The following NIM1K variants were observed in gnomAD, a reference collection of about 807,000 sequenced individuals.
The protein encoded by NIM1K is NIM1 serine/threonine protein kinase.
Under a neutral mutation model 37.1 loss-of-function variants are expected in NIM1K, and 35 were observed. The observed-to-expected ratio is 0.94, with a 90% CI of 0.72 to 1.25. The LOEUF is 1.25. Ranked by LOEUF, NIM1K falls within the 50% of genes most tolerant of loss-of-function variation. The pLI is 0.00. For synonymous variants in NIM1K, 234 were observed against 206.6 expected (o/e 1.13, Z -1.14); for missense variants, 564 against 548.0 (o/e 1.03, Z -0.29).
intron 2 of NIM1K, among the ~76,000 whole-genome samples, chr5:43,262,816 A>G (rs1181333410): frequency 6.6e-6 from 1 of 152,120 alleles, no homozygotes; most frequent in Non-Finnish European, 1.5e-5. Flanking sequence ...TTTTAGCATG[A>G]AGGGTTGTTG....
At chr5:43,231,266 A>T (rs982125477) in intron 1 of NIM1K, among the ~76,000 whole-genome samples, 4 of 152,228 alleles carry the variant, frequency 2.6e-5, no homozygotes, top group African/African-American at 9.6e-5. Context: ...GCAGTGAGCC[A>T]TCCTCTCATT....
chr5:43,228,230 T>C (rs541220582), intron 1 of NIM1K, among the ~76,000 whole-genome samples: 16 of 151,906 alleles, frequency 1.1e-4, no homozygotes, highest in African/African-American at 3.9e-4. Flanking sequence ...CACTGCAACC[T>C]CTGCCTCCTG....
intron 3 of NIM1K, among the ~76,000 whole-genome samples, chr5:43,277,628 T>C (rs1317878580): frequency 2.6e-5 from 4 of 152,232 alleles, no homozygotes; most frequent in Admixed American, 2.6e-4. Context: ...CATCTTCCAC[T>C]ATCTGGATAG....
chr5:43,277,445 G>T (rs1753362896), intron 3 of NIM1K, 120 bp downstream of exon 3: 1 of 1,062,324 alleles, frequency 9.4e-7, no homozygotes. Context: ...GCAGACAGTA[G>T]TCCCTTCTGA....
intron 1 of NIM1K, among the ~76,000 whole-genome samples, chr5:43,223,205 C>G (rs2112232930): frequency 6.6e-6 from 1 of 151,130 alleles, no homozygotes; most frequent in East Asian, 2.0e-4. Context: ...ATATAGCACA[C>G]AGTGGTGCTT....
intron 2 of NIM1K, among the ~76,000 whole-genome samples, chr5:43,267,229 T>A (rs1753178489): frequency 6.6e-6 from 1 of 152,200 alleles, no homozygotes; most frequent in Non-Finnish European, 1.5e-5. Context: ...TCTTCTATGT[T>A]TTTTAGTTTG....
At chr5:43,262,199 C>T (rs1753041901) in intron 2 of NIM1K, among the ~76,000 whole-genome samples, 1 of 152,154 alleles carries the variant, frequency 6.6e-6, no homozygotes, top group Non-Finnish European at 1.5e-5. Flanking sequence ...TTACCTTGGG[C>T]AGAATGACCA....
At chr5:43,266,115 C>G (rs1753152324) in intron 2 of NIM1K, among the ~76,000 whole-genome samples, 2 of 152,218 alleles carry the variant, frequency 1.3e-5, no homozygotes, top group African/African-American at 4.8e-5. Flanking sequence ...ATCTCACACT[C>G]TGTGCTGGGA....
intron 1 of NIM1K, among the ~76,000 whole-genome samples, chr5:43,235,874 T>C (rs2112249422): frequency 6.6e-6 from 1 of 151,750 alleles, no homozygotes; most frequent in East Asian, 1.9e-4. Flanking sequence ...GATTCTCCCA[T>C]GAAACCTAGA....
At chr5:43,268,967 T>G (rs1298994624) in intron 2 of NIM1K, among the ~76,000 whole-genome samples, 1 of 151,728 alleles carries the variant, frequency 6.6e-6, no homozygotes, top group Non-Finnish European at 1.5e-5. Flanking sequence ...GTCTTTTTCT[T>G]TTTTTTAACT....
chr5:43,264,729 A>G (rs1436390356), intron 2 of NIM1K, among the ~76,000 whole-genome samples: 1 of 152,114 alleles, frequency 6.6e-6, no homozygotes, highest in Non-Finnish European at 1.5e-5. Context: ...TGGTCTTTAC[A>G]ATTTGGCATG....
chr5:43,227,871 A>AG (rs1752482353), intron 1 of NIM1K, among the ~76,000 whole-genome samples: 1 of 152,176 alleles, frequency 6.6e-6, no homozygotes. Context: ...TCAGAAGGGC[A>AG]GGGCTGGAAT....
At chr5:43,230,608 C>A (rs986380363) in intron 1 of NIM1K, among the ~76,000 whole-genome samples, 1 of 152,202 alleles carries the variant, frequency 6.6e-6, no homozygotes, top group African/African-American at 2.4e-5. Flanking sequence ...AACAAATAGA[C>A]ACCTCCCACT....
In NIM1K at chr5:43,219,176, C is replaced by T. The variant is rs184179354; in HGVS notation, c.-694-25906C>T. On this transcript the variant is annotated intron_variant, in intron 1 of 3. Coordinates refer to ENST00000326035, the MANE Select transcript of NIM1K (RefSeq NM_153361.4). ...CCCTGTGGAACCATGAATTATTAAA[C>T]CTCTTTCCTTTATAAATTATTAAAC... Among the ~76,000 whole-genome samples, 30 of 152,266 alleles carry T rather than the reference C, an allele frequency of 2.0e-4. 1 individual carries two copies. The highest frequency in any genetic ancestry group is 8.3e-4 in the South Asian group (4 of 4,816).
At chr5:43,250,699 G>T (rs1451905120) in intron 2 of NIM1K, among the ~76,000 whole-genome samples, 1 of 152,202 alleles carries the variant, frequency 6.6e-6, no homozygotes, top group Non-Finnish European at 1.5e-5. Context: ...TGATTTGGAA[G>T]GTTACAAGAG....
At chr5:43,232,677 G>A in intron 1 of NIM1K, 1 of 1,515,578 alleles carries the variant, frequency 6.6e-7, no homozygotes, top group South Asian at 1.3e-5. Flanking sequence ...ACTGCAGCTT[G>A]GACTTCTTGC....
chr5:43,232,732 G>A (rs1299589262), intron 1 of NIM1K: 1 of 1,258,888 alleles, frequency 7.9e-7, no homozygotes, highest in East Asian at 2.3e-5. Flanking sequence ...GGTGAACCCA[G>A]AACCAATTCC....
At chr5:43,272,779 G>A (rs1753276743) in intron 2 of NIM1K, among the ~76,000 whole-genome samples, 1 of 151,984 alleles carries the variant, frequency 6.6e-6, no homozygotes, top group African/African-American at 2.4e-5. Flanking sequence ...TAAAGTTTCA[G>A]ATGTCTGGCT....
At chr5:43,246,249 G>A (rs1043214894) in intron 2 of NIM1K, among the ~76,000 whole-genome samples, 182 bp downstream of exon 2, 9 of 152,152 alleles carry the variant, frequency 5.9e-5, no homozygotes, top group African/African-American at 2.2e-4. Context: ...AACCATGTGA[G>A]GTCAATATTT....
Sources: gnomAD v4.1 joint callset for allele counts (sites outside exome capture counted in the v4.1 genomes callset) on GRCh38, gnomAD v4.1.1 for gene constraint, MANE v1.5 for transcripts, NCBI Gene and HGNC (gene_info 2026-07-23, HGNC 2026-07-21) for gene names.